THRB: variants seen among roughly 807,000 people sequenced by gnomAD.
THRB encodes the protein thyroid hormone receptor beta.
THRB carries 12 observed loss-of-function variants against 47.8 expected under a neutral mutation model. That is an observed-to-expected ratio of 0.25 (90% CI 0.16 to 0.41). The LOEUF (loss-of-function observed/expected upper bound fraction) is 0.41, where lower values mean the gene tolerates loss of function less well. Ranked by LOEUF, THRB falls within the 10% of genes least tolerant of loss-of-function variation. The pLI is 1.00. For synonymous variants in THRB, 218 were observed against 212.2 expected, an observed-to-expected ratio of 1.03 and a Z score of -0.24; for missense variants, 348 against 589.2, an observed-to-expected ratio of 0.59 and a Z score of 4.24.
chr3:24,342,723 G>A (rs1469198269), intron 1 of THRB, among the ~76,000 whole-genome samples: 7 of 152,090 alleles, frequency 4.6e-5, no homozygotes, highest in Non-Finnish European at 8.8e-5. Context: ...TACCATACAA[G>A]GTGTTGCTCA....
intron 2 of THRB, among the ~76,000 whole-genome samples, chr3:24,301,317 T>C (rs530254334): frequency 3.2e-4 from 48 of 152,326 alleles, no homozygotes; most frequent in Non-Finnish European, 6.5e-4. Flanking sequence ...CATAAACTTT[T>C]GTGTTTGTCT....
intron 3 of THRB, among the ~76,000 whole-genome samples, chr3:24,259,012 C>T (rs760715998): frequency 1.3e-5 from 2 of 152,164 alleles, no homozygotes; most frequent in African/African-American, 4.8e-5. Context: ...GGTCACAGAG[C>T]CACTAGCTGA....
chr3:24,140,958 C>G (rs2035364344), intron 8 of THRB, among the ~76,000 whole-genome samples: 1 of 152,194 alleles, frequency 6.6e-6, no homozygotes, highest in Non-Finnish European at 1.5e-5. Flanking sequence ...AGGGGATTGG[C>G]TGACAGAAAT....
chr3:24,283,265 A>G (rs1014571266), intron 3 of THRB, among the ~76,000 whole-genome samples: 10 of 152,250 alleles, frequency 6.6e-5, no homozygotes, highest in Non-Finnish European at 1.5e-4. Flanking sequence ...CCTGGGATGC[A>G]AGGCTGGTTC....
chr3:24,325,327 A>C (rs1420258405), intron 2 of THRB, among the ~76,000 whole-genome samples: 1 of 152,072 alleles, frequency 6.6e-6, no homozygotes, highest in Admixed American at 6.6e-5. Flanking sequence ...TTCCTCTCAA[A>C]GGAAGAAAAA....
At chr3:24,127,131 A>G (rs72619912) in intron 10 of THRB, among the ~76,000 whole-genome samples, 3,358 of 152,306 alleles carry the variant, frequency 0.022, 100 homozygotes, top group African/African-American at 0.064. Flanking sequence ...GTTTCCACAC[A>G]CAGAACTTAA....
chr3:24,310,330 C>T (rs1267086954), intron 2 of THRB, among the ~76,000 whole-genome samples: 1 of 152,186 alleles, frequency 6.6e-6, no homozygotes, highest in Non-Finnish European at 1.5e-5. Flanking sequence ...AAATGATGTA[C>T]TTTGATTTCA....
Position 24,452,035 on chromosome 3 carries a change from T to C in THRB, c.-261+42617A>G, listed in dbSNP as rs889286028. ...GAAGTCTTTAGCATTTAGAGATGACTAGATTGCCCGAGGCTGAGGACTAGC... is the reference window on the plus strand; with the variant it reads ...GAAGTCTTTAGCATTTAGAGATGACCAGATTGCCCGAGGCTGAGGACTAGC... On this transcript the variant is annotated intron_variant, in intron 1 of 10. Coordinates refer to ENST00000646209, the MANE Select transcript of THRB (RefSeq NM_001354712.2). 5.3e-5 allele frequency among the ~76,000 whole-genome samples: 8 copies of C among 152,260 alleles called. No individual in the cohort carries two copies. In the East Asian group the frequency reaches 1.4e-3, roughly 26 times the overall value.
chr3:24,338,637 T>C (rs1341478770), intron 1 of THRB, among the ~76,000 whole-genome samples: 4 of 152,234 alleles, frequency 2.6e-5, no homozygotes, highest in Admixed American at 2.0e-4. Context: ...GGTGTGCATA[T>C]GTATGTGAGC....
intron 1 of THRB, among the ~76,000 whole-genome samples, chr3:24,479,053 C>T (rs1213462897): frequency 6.6e-6 from 1 of 152,150 alleles, no homozygotes; most frequent in African/African-American, 2.4e-5. Context: ...AATCCCAGCA[C>T]TTTGGGAGGC....
chr3:24,434,468 A>G (rs933320353), intron 1 of THRB, among the ~76,000 whole-genome samples: 2 of 152,198 alleles, frequency 1.3e-5, no homozygotes, highest in East Asian at 3.9e-4. Flanking sequence ...CACCAAAGTA[A>G]TGTTGAGCAC....
At chr3:24,169,679 A>ATATATAT (rs1267746829) in intron 5 of THRB, among the ~76,000 whole-genome samples, 1 of 147,646 alleles carries the variant, frequency 6.8e-6, no homozygotes, top group Non-Finnish European at 1.5e-5. Context: ...AATTATAATA[A>ATATATAT]TATATATTAT....
chr3:24,423,790 A>T (rs542093285), intron 1 of THRB, among the ~76,000 whole-genome samples: 1 of 151,958 alleles, frequency 6.6e-6, no homozygotes, highest in South Asian at 2.1e-4. Context: ...TTTCTTTCTA[A>T]AAGAAAAAAT....
At chr3:24,170,859 TA>T (rs879643031) in intron 5 of THRB, among the ~76,000 whole-genome samples, 3,011 of 146,204 alleles carry the variant, frequency 0.021, 76 homozygotes, top group African/African-American at 0.065. Flanking sequence ...CATGTGCATT[TA>T]AAAAAAAAAA....
chr3:24,325,594 G>A (rs2058751957), intron 2 of THRB, among the ~76,000 whole-genome samples: 1 of 152,196 alleles, frequency 6.6e-6, no homozygotes, highest in African/African-American at 2.4e-5. Flanking sequence ...GACTGAGGCA[G>A]GAGAATCACT....
chr3:24,320,765 G>A (rs887767771), intron 2 of THRB, among the ~76,000 whole-genome samples: 7 of 152,142 alleles, frequency 4.6e-5, no homozygotes, highest in Admixed American at 4.6e-4. Context: ...CCCTCAAGAA[G>A]TGACTCATTG....
chr3:24,474,893 T>C (rs1695219206), intron 1 of THRB, among the ~76,000 whole-genome samples: 1 of 152,240 alleles, frequency 6.6e-6, no homozygotes, highest in African/African-American at 2.4e-5. Context: ...AATTGAAAAG[T>C]ATATATGAAA....
chr3:24,292,392 T>A (rs1248153065), intron 3 of THRB, among the ~76,000 whole-genome samples: 1 of 152,180 alleles, frequency 6.6e-6, no homozygotes, highest in Non-Finnish European at 1.5e-5. Flanking sequence ...AAATTAAGTC[T>A]TTCAGTCCCC....
intron 1 of THRB, among the ~76,000 whole-genome samples, chr3:24,409,075 G>T (rs1272867081): frequency 6.6e-6 from 1 of 151,722 alleles, no homozygotes; most frequent in East Asian, 1.9e-4. Context: ...TTTATTTATA[G>T]TCTTCTAAAG....
Sources: gnomAD v4.1 joint callset for allele counts (sites outside exome capture counted in the v4.1 genomes callset) on GRCh38, gnomAD v4.1.1 for gene constraint, MANE v1.5 for transcripts, NCBI Gene and HGNC (gene_info 2026-07-23, HGNC 2026-07-21) for gene names.